The following MTMR9 variants were observed in gnomAD, a reference collection of about 807,000 sequenced individuals.
MTMR9 encodes myotubularin-related protein 9.
A neutral mutation model predicts 69.5 loss-of-function variants in MTMR9; 39 were observed. The observed-to-expected ratio is 0.56, with a 90% CI of 0.43 to 0.73. The LOEUF is 0.73. Among genes scored for constraint, MTMR9 ranks in the 30% least tolerant of loss-of-function variants. MTMR9 has a pLI of 0.00. For synonymous variants in MTMR9, 354 were observed against 240.8 expected, an observed-to-expected ratio of 1.47 and a Z score of -4.35; for missense variants, 900 against 671.2, an observed-to-expected ratio of 1.34 and a Z score of -3.77.
At chr8:11,285,157 A>T in intron 1 of MTMR9, 87 bp downstream of exon 1, 1 of 1,334,118 alleles carries the variant, frequency 7.5e-7, no homozygotes, top group East Asian at 2.6e-5. Flanking sequence ...TTTTCCGCGC[A>T]GCCTGCCGCC....
chr8:11,329,969 C>T (rs1471375294), downstream of MTMR9, among the ~76,000 whole-genome samples: 1 of 151,378 alleles, frequency 6.6e-6, no homozygotes, highest in African/African-American at 2.4e-5. Context: ...CCCGGCCGCC[C>T]TGTCTGAGAA....
Position 11,319,699 on chromosome 8 carries a change from G to A in MTMR9, c.1347G>A (p.Lys449=). The part of the protein sequence containing the change: ...GNNESERCKL[K]LQQKTMSLWS... The stretch of plus-strand genomic sequence containing the variant: ...CTTTCTTGATCAGATGTAAGTTGAA[G>A]CTACAGCAGAAGACGATGTCTTTGT... The change falls in exon 9 of 10, where the codon AAG becomes AAA. Residue 449 remains lysine (K), a synonymous_variant. Transcript: ENST00000221086. 1 of 1,613,734 alleles carries A rather than the reference G, an allele frequency of 6.2e-7. No homozygotes were observed. The highest frequency in any genetic ancestry group is 8.5e-7 in the Non-Finnish European group (1 of 1,180,006).
At chr8:11,285,769 A>G (rs933449637) in intron 1 of MTMR9, among the ~76,000 whole-genome samples, 4 of 152,108 alleles carry the variant, frequency 2.6e-5, no homozygotes, top group African/African-American at 9.7e-5. Flanking sequence ...ATCTGCATTC[A>G]AAATTCCCAT....
intron 6 of MTMR9, among the ~76,000 whole-genome samples, chr8:11,313,416 T>A (rs1037154757): frequency 1.3e-5 from 2 of 152,254 alleles, no homozygotes; most frequent in Non-Finnish European, 2.9e-5. Flanking sequence ...GAAGCACTTT[T>A]AATTTCCATC....
At chr8:11,312,232 CAG>C (rs2117431267) in intron 6 of MTMR9, among the ~76,000 whole-genome samples, 1 of 151,842 alleles carries the variant, frequency 6.6e-6, no homozygotes, top group Non-Finnish European at 1.5e-5. Context: ...CAATTTTTAA[CAG>C]AGATGTGGTT....
At chr8:11,332,219 A>G (rs1030808873), downstream of MTMR9, 12 of 1,491,640 alleles carry the variant, frequency 8.0e-6, no homozygotes, top group Non-Finnish European at 9.8e-6. Flanking sequence ...AATAATTATA[A>G]TAAATCCTAG....
chr8:11,304,638 A>G (rs1381967937), intron 3 of MTMR9, among the ~76,000 whole-genome samples: 1 of 152,234 alleles, frequency 6.6e-6, no homozygotes, highest in East Asian at 1.9e-4. Flanking sequence ...GGTGATACCT[A>G]GCAATGCAGG....
downstream of MTMR9, chr8:11,331,069 T>A: frequency 6.4e-6 from 10 of 1,558,100 alleles, no homozygotes; most frequent in Non-Finnish European, 8.7e-6. Context: ...GGGCCCAGGC[T>A]CCCTGAGCCA....
At chr8:11,294,568 C>T (rs182804410) in intron 1 of MTMR9, among the ~76,000 whole-genome samples, 13 of 139,044 alleles carry the variant, frequency 9.3e-5, no homozygotes, top group African/African-American at 3.8e-4. Context: ...GTGGCTCAGA[C>T]TCGGCTCACT....
intron 1 of MTMR9, among the ~76,000 whole-genome samples, chr8:11,286,281 C>A (rs956799048): frequency 2.6e-5 from 4 of 151,542 alleles, no homozygotes; most frequent in African/African-American, 9.7e-5. Context: ...GGTAGAATTG[C>A]AGGCAGTTTG....
In MTMR9 at chr8:11,327,983, C is replaced by T. The variant is rs1171336594; in HGVS notation, c.*5195C>T. ...TGGCCGGTTTGTCAAGCTTGGTTTA[C>T]TGAATCAAGAAAGAGTCTTGTCGAA... On this transcript the variant is annotated 3_prime_UTR_variant, in exon 10 of 10. Coordinates refer to ENST00000221086, the MANE Select transcript of MTMR9 (RefSeq NM_015458.4). The T allele has an allele frequency of 3.3e-5, 5 of 152,144 alleles. No individual in the cohort carries two copies. The highest frequency in any genetic ancestry group is 7.3e-5 in the Non-Finnish European group (5 of 68,036). The allele number at this position is 152,144 out of a possible 1,614,324, so 9.4% of individuals were successfully genotyped here.
rs759018902 is a variant in MTMR9 at position 11,304,950 on chromosome 8, T to G, written c.527T>G (p.Val176Gly). ...ATCGATGATGAAGCTCTTCGGAAGG[T>G]AGCTACATTTCGACATGGAGGGCGC... ...KSIDDEALRKVATFRHGGRFP... is the reference protein window; with the variant it reads ...KSIDDEALRKGATFRHGGRFP... The change falls in exon 4 of 10, where the codon GTA becomes GGA. Residue 176 changes from valine to glycine, a missense_variant. By Grantham distance (109) the Val-to-Gly change is moderately radical (BLOSUM62 -3). Transcript: ENST00000221086. The G allele has an allele frequency of 6.2e-7, 1 of 1,614,068 alleles. No homozygotes were observed. Among genetic ancestry groups the G allele is most frequent in the Non-Finnish European group, 8.5e-7 (1 of 1,179,978 alleles).
chr8:11,319,812 C>T lies in MTMR9; in HGVS notation c.1460C>T (p.Ala487Val), dbSNP rs942072686. The change falls in exon 9 of 10, where the codon GCT becomes GTT. Residue 487 changes from alanine (A) to valine (V), a missense_variant. Coordinates refer to ENST00000221086, the MANE Select transcript of MTMR9 (RefSeq NM_015458.4). The stretch of plus-strand genomic sequence containing the variant: ...AACCTTGTCATCTGGCCTTCAGTTG[C>T]TCCGCAGAGTCTTCCACTGTGGGAA... ...ANNLVIWPSV[A>V]PQSLPLWEGI... 1.2e-6 allele frequency: 2 copies of T among 1,614,040 alleles called. No homozygotes were observed. Among genetic ancestry groups the T allele is most frequent in the African/African-American group, 2.7e-5 (2 of 74,934 alleles).
chr8:11,326,651 G>A lies in MTMR9; in HGVS notation c.*3863G>A, dbSNP rs1483419509. ...TAGTATTCTAAGTTATTACCACATA[G>A]TATTTTTATGTTACCCATCATCTTT... On this transcript the variant is annotated 3_prime_UTR_variant, in exon 10 of 10. Transcript: ENST00000221086. 1 of 152,180 alleles carries A rather than the reference G, an allele frequency of 6.6e-6. No individual in the cohort carries two copies. Among genetic ancestry groups the A allele is most frequent in the Non-Finnish European group, 1.5e-5 (1 of 68,052 alleles). The allele number at this position is 152,180 out of a possible 1,614,324, so 9.4% of individuals were successfully genotyped here.
intron 2 of MTMR9, among the ~76,000 whole-genome samples, chr8:11,295,962 C>G (rs911994414): frequency 6.6e-6 from 1 of 152,154 alleles, no homozygotes; most frequent in Non-Finnish European, 1.5e-5. Context: ...GTGCACTGTT[C>G]ACTTCTCTAC....
chr8:11,317,876 G>C (rs1158173079), intron 8 of MTMR9: 2 of 152,354 alleles, frequency 1.3e-5, no homozygotes, highest in East Asian at 3.9e-4. Context: ...TGAAGCATGT[G>C]TTGCTTAGCC....
chr8:11,314,127 A>G (rs1485267475), intron 6 of MTMR9, among the ~76,000 whole-genome samples: 1 of 152,232 alleles, frequency 6.6e-6, no homozygotes, highest in Non-Finnish European at 1.5e-5. Context: ...TGTAGTGTAT[A>G]TGTACATGGG....
At chr8:11,332,474 A>G (rs1010737747), downstream of MTMR9, among the ~76,000 whole-genome samples, 3 of 152,180 alleles carry the variant, frequency 2.0e-5, no homozygotes, top group African/African-American at 7.2e-5. Context: ...TTTGAACAAA[A>G]TGAGAATATC....
intron 1 of MTMR9, among the ~76,000 whole-genome samples, chr8:11,293,845 CTCTGTTCACGTGTAAGTGGATCTATT>C (rs537143212): frequency 1.3e-5 from 2 of 150,028 alleles, no homozygotes; most frequent in South Asian, 4.2e-4. Context: ...GTCTTCGTAT[CTCTGTTCACGTGTAAGTGGATCTATT>C]TCTGGACTCT....
Sources: gnomAD v4.1 joint callset for allele counts (sites outside exome capture counted in the v4.1 genomes callset) on GRCh38, gnomAD v4.1.1 for gene constraint, MANE v1.5 for transcripts, NCBI Gene and HGNC (gene_info 2026-07-23, HGNC 2026-07-21) for gene names.